SLC29A3: variants seen among roughly 807,000 people sequenced by gnomAD.
SLC29A3 encodes the protein equilibrative nucleoside transporter 3.
A neutral mutation model predicts 25.4 loss-of-function variants in SLC29A3; 18 were observed. The ratio of observed to expected loss-of-function variants is 0.71; its 90% CI spans 0.49 to 1.05. The LOEUF (loss-of-function observed/expected upper bound fraction) is 1.05. Ranked by LOEUF, SLC29A3 falls within the 50% of genes least tolerant of loss-of-function variation. SLC29A3 has a pLI of 0.00. For synonymous variants in SLC29A3, 258 were observed against 267.1 expected, an observed-to-expected ratio of 0.97 and a Z score of 0.33; for missense variants, 586 against 609.0, an observed-to-expected ratio of 0.96 and a Z score of 0.40.
At position 71,362,347 on chromosome 10, in the gene SLC29A3, C is replaced by T. The variant is rs940761836; in HGVS notation, c.1167C>T (p.Leu389=). ...LPGFVLLRTC[L]IPLFVLCNYQ... is the part of the protein sequence containing the mutation. ...GGTTCGTGCTCCTCCGGACCTGCCT[C>T]ATCCCCCTCTTCGTGCTCTGTAACT... Residue 389 remains leucine, a synonymous_variant, in exon 6 of 6, where the codon CTC becomes CTT. Coordinates refer to ENST00000373189, the MANE Select transcript of SLC29A3 (RefSeq NM_018344.6). 1 of 1,614,200 alleles carries T rather than the reference C, an allele frequency of 6.2e-7. No individual in the cohort carries two copies. The highest frequency in any genetic ancestry group is 8.5e-7 in the Non-Finnish European group (1 of 1,180,036).
intron 3 of SLC29A3, 137 bp from the exon 4 acceptor site, chr10:71,351,425 G>A (rs542395067): frequency 2.1e-4 from 144 of 694,134 alleles, no homozygotes; most frequent in African/African-American, 9.9e-4. Context: ...GGCAGGATTC[G>A]AGTGCAGGCC....
chr10:71,369,871 G>T (rs1349736233), intron 3 of SLC29A3, among the ~76,000 whole-genome samples: 13 of 152,226 alleles, frequency 8.5e-5, no homozygotes, highest in Non-Finnish European at 1.2e-4. Context: ...AGGCTCCAAA[G>T]CCTGTCTTTC....
At position 71,351,939 on chromosome 10, in the gene SLC29A3, G is replaced by T. The variant is rs893209056; in HGVS notation, c.610+151G>T. On this transcript the variant is annotated intron_variant, in intron 4 of 5. Coordinates refer to ENST00000373189, the MANE Select transcript of SLC29A3 (RefSeq NM_018344.6). Reference sequence around the variant, plus strand: ...TCATCTAGTGTTGTAGAACAACAACGGTCATTTCTACTACTCACAAATTTG... The same window carrying T: ...TCATCTAGTGTTGTAGAACAACAACTGTCATTTCTACTACTCACAAATTTG... The T allele has an allele frequency of 3.8e-6, 3 of 784,316 alleles. No homozygotes were observed. The African/African-American group carries it at 5.1e-5, about 13-fold the overall frequency. The allele number at this position is 784,316 out of a possible 1,614,324, so 48.6% of individuals were successfully genotyped here.
chr10:71,351,950 C>T (rs552387457), intron 4 of SLC29A3, among the ~76,000 whole-genome samples, 162 bp downstream of exon 4: 1 of 152,330 alleles, frequency 6.6e-6, no homozygotes, highest in African/African-American at 2.4e-5. Context: ...GTCATTTCTA[C>T]TACTCACAAA....
chr10:71,344,033 G>A (rs1190877920), intron 2 of SLC29A3, among the ~76,000 whole-genome samples, 176 bp from the exon 3 acceptor site: 1 of 152,182 alleles, frequency 6.6e-6, no homozygotes, highest in African/African-American at 2.4e-5. Context: ...TGAGTGAGCG[G>A]TCTTAGGCTG....
chr10:71,357,726 G>A (rs965242318), intron 5 of SLC29A3, among the ~76,000 whole-genome samples: 1 of 152,170 alleles, frequency 6.6e-6, no homozygotes, highest in Non-Finnish European at 1.5e-5. Context: ...TCTGTCTCCA[G>A]TTCCTCCTTT....
intron 5 of SLC29A3, among the ~76,000 whole-genome samples, chr10:71,360,406 G>A (rs1290171633): frequency 6.6e-6 from 1 of 152,134 alleles, no homozygotes; most frequent in Non-Finnish European, 1.5e-5. Flanking sequence ...GCCTCCCAAA[G>A]TGCTGGGATT....
intron 3 of SLC29A3, among the ~76,000 whole-genome samples, chr10:71,349,629 T>G (rs1161600612): frequency 1.3e-5 from 2 of 152,066 alleles, no homozygotes. Flanking sequence ...GGCGAAGGAA[T>G]GTTCTCCCAG....
Position 71,358,477 on chromosome 10 carries a change from T to G in SLC29A3, c.773+2234T>G, listed in dbSNP as rs7094989. Reference sequence around the variant, plus strand: ...CCTCCCCGCCCCTTCAGGGCTGTCATCAGAAATTGCCTAGCTGTGGCTCCA... The same window carrying G: ...CCTCCCCGCCCCTTCAGGGCTGTCAGCAGAAATTGCCTAGCTGTGGCTCCA... On this transcript the variant is annotated intron_variant, in intron 5 of 5. Transcript: ENST00000373189. Among the ~76,000 whole-genome samples, 1,044 of 152,214 alleles carry G rather than the reference T, an allele frequency of 6.9e-3. 10 individuals carry two copies. The highest frequency in any genetic ancestry group is 0.024 in the African/African-American group (995 of 41,496).
rs1286634676 is a variant in SLC29A3 at position 71,322,792 on chromosome 10, C to T, written c.38C>T (p.Ser13Leu). The T allele has an allele frequency of 6.2e-7, 1 of 1,614,170 alleles. No homozygotes were observed. The highest frequency in any genetic ancestry group is 1.1e-5 in the South Asian group (1 of 91,080). Residue 13 changes from serine (S) to leucine (L), a missense_variant, in exon 2 of 6, where the codon TCA becomes TTA. By Grantham distance (145) the Ser-to-Leu change is moderately radical (BLOSUM62 -2). Transcript: ENST00000373189. ...VVSEDDFQHS[S>L]NSTYRTTSSS... ...TCAGAGGACGACTTTCAGCACAGTT[C>T]AAACTCCACCTACAGAACCACAAGC...
chr10:71,350,368 A>C (rs1846722469), intron 3 of SLC29A3, among the ~76,000 whole-genome samples: 1 of 130,024 alleles, frequency 7.7e-6, no homozygotes, highest in Non-Finnish European at 1.7e-5. Context: ...CTACCTTTCA[A>C]GTTTTTCTTT....
intron 3 of SLC29A3, among the ~76,000 whole-genome samples, chr10:71,350,362 C>G (rs1445193326): frequency 3.5e-5 from 4 of 115,664 alleles, no homozygotes; most frequent in Non-Finnish European, 8.0e-5. Context: ...TTTTTCCTAC[C>G]TTTCAAGTTT....
At chr10:71,367,643 C>T (rs1008131880), downstream of SLC29A3, among the ~76,000 whole-genome samples, 1 of 152,230 alleles carries the variant, frequency 6.6e-6, no homozygotes, top group Non-Finnish European at 1.5e-5. Context: ...AGATGGCGAA[C>T]TCAACTTCAG....
At position 71,362,472 on chromosome 10, in the gene SLC29A3, C is replaced by G. The variant is rs758061099; in HGVS notation, c.1292C>G (p.Thr431Ser). The change falls in exon 6 of 6, where the codon ACC becomes AGC. Residue 431 changes from threonine to serine, a missense_variant. Physicochemically the swap from Thr to Ser is moderately conservative, Grantham distance 58. Transcript: ENST00000373189. ...LLGLSNGYLSTLALLYGPKIV... is the reference protein window; with the variant it reads ...LLGLSNGYLSSLALLYGPKIV... ...GGGCTCAGCAACGGCTACCTCAGCA[C>G]CCTGGCCCTCCTCTACGGGCCTAAG... 5 of 1,614,208 alleles carry G rather than the reference C, an allele frequency of 3.1e-6. No homozygotes were observed. The highest frequency in any genetic ancestry group is 4.2e-6 in the Non-Finnish European group (5 of 1,180,046).
At chr10:71,369,509 G>GA (rs1847195151) in intron 3 of SLC29A3, among the ~76,000 whole-genome samples, 1 of 152,192 alleles carries the variant, frequency 6.6e-6, no homozygotes, top group South Asian at 2.1e-4. Flanking sequence ...TAAAGATTTG[G>GA]AAAATCCTCA....
chr10:71,373,734 G>T (rs919265793), intron 3 of SLC29A3, among the ~76,000 whole-genome samples: 1 of 152,202 alleles, frequency 6.6e-6, no homozygotes, highest in African/African-American at 2.4e-5. Flanking sequence ...CTTCTGCCAT[G>T]CTCTGGGTAC....
rs368016293 is a variant in SLC29A3, at chr10:71,362,365, C to G, written c.1185C>G (p.Leu395=). 1.2e-6 allele frequency: 2 copies of G among 1,614,162 alleles called. No individual in the cohort carries two copies. Among genetic ancestry groups the G allele is most frequent in the South Asian group, 2.2e-5 (2 of 91,082 alleles). Residue 395 remains leucine (L), a synonymous_variant, in exon 6 of 6, where the codon CTC becomes CTG. Transcript: ENST00000373189. ...LRTCLIPLFV[L]CNYQPRVHLK... is the part of the protein sequence containing the mutation. ...CCTGCCTCATCCCCCTCTTCGTGCT[C>G]TGTAACTACCAGCCCCGCGTCCACC...
intron 5 of SLC29A3, among the ~76,000 whole-genome samples, chr10:71,359,146 T>C (rs1366549221): frequency 6.6e-6 from 1 of 152,100 alleles, no homozygotes; most frequent in African/African-American, 2.4e-5. Context: ...TGACCTCAAG[T>C]GATCCACCCG....
At chr10:71,333,646 C>T (rs560058200) in intron 2 of SLC29A3, among the ~76,000 whole-genome samples, 1 of 152,364 alleles carries the variant, frequency 6.6e-6, no homozygotes, top group East Asian at 1.9e-4. Context: ...ACGGGACCCT[C>T]TGGGGGATGC....
Sources: gnomAD v4.1 joint callset for allele counts (sites outside exome capture counted in the v4.1 genomes callset) on GRCh38, gnomAD v4.1.1 for gene constraint, MANE v1.5 for transcripts, NCBI Gene and HGNC (gene_info 2026-07-23, HGNC 2026-07-21) for gene names.